GPR55: variants seen among roughly 807,000 people sequenced by gnomAD.
The protein encoded by GPR55 is G-protein coupled receptor 55.
GPR55 carries 6 observed loss-of-function variants against 7.9 expected under a neutral mutation model. The observed-to-expected ratio is 0.76, with a 90% CI of 0.41 to 1.49. The LOEUF (loss-of-function observed/expected upper bound fraction) is 1.49. GPR55 is among the 40% of genes most tolerant of loss of function. The pLI, the probability that GPR55 is intolerant of heterozygous loss-of-function variation, is 0.01. For synonymous variants in GPR55, 183 were observed against 166.8 expected (o/e 1.10, Z -0.75); for missense variants, 376 against 406.0 (o/e 0.93, Z 0.63).
rs1293870849 is a variant in GPR55 at position 230,908,108 on chromosome 2, G to C, written c.*1895C>G. 6.6e-6 allele frequency: 1 copy of C among 152,622 alleles called. No individual in the cohort carries two copies. Among genetic ancestry groups the C allele is most frequent in the Non-Finnish European group, 1.5e-5 (1 of 68,392 alleles). 9.5% of individuals were successfully genotyped at this position (152,622 alleles called of 1,614,324 possible). On this transcript the variant is annotated 3_prime_UTR_variant, in exon 2 of 2. Coordinates refer to ENST00000650999, the MANE Select transcript of GPR55 (RefSeq NM_005683.4). ...GAGGGCAGCCTGCAGGCAAGGAGAG[G>C]AGTGTCTGGGGTTTGGGGCAGCCAG... is the stretch of plus-strand genomic sequence containing the variant.
chr2:230,930,711 C>T (rs1220437812), intron 1 of GPR55, among the ~76,000 whole-genome samples: 1 of 152,184 alleles, frequency 6.6e-6, no homozygotes, highest in Non-Finnish European at 1.5e-5. Context: ...GCAATCCACC[C>T]ACCTCAGCCT....
chr2:230,917,175 G>A (rs77549102), intron 1 of GPR55, among the ~76,000 whole-genome samples: 9,287 of 152,222 alleles, frequency 0.061, 678 homozygotes, highest in African/African-American at 0.18. Context: ...ACCGAATGGT[G>A]GAAAAGTACA....
At chr2:230,957,574 G>A (rs368169072) in intron 1 of GPR55, 77 of 404,762 alleles carry the variant, frequency 1.9e-4, no homozygotes, top group African/African-American at 9.9e-4. Context: ...TGGGCGGGTG[G>A]AGGCGGGGAG....
Position 230,910,968 on chromosome 2 carries a change from T to C in GPR55, c.-6A>G. 6.3e-7 allele frequency: 1 copy of C among 1,588,290 alleles called. No individual in the cohort carries two copies. Among genetic ancestry groups the C allele is most frequent in the African/African-American group, 1.3e-5 (1 of 74,662 alleles). ...CTGGTGTTTTGCTGACTCATGTTTC[T>C]TCCTACAACACCAACAGATCAGACG... On this transcript the variant is annotated 5_prime_UTR_variant, in exon 2 of 2. Coordinates refer to ENST00000650999, the MANE Select transcript of GPR55 (RefSeq NM_005683.4). This position sits in a 1 kb window ranked among gnomAD's most constrained non-coding sequence, Gnocchi z 5.4.
At chr2:230,954,453 G>A (rs908495814) in intron 1 of GPR55, among the ~76,000 whole-genome samples, 2 of 152,126 alleles carry the variant, frequency 1.3e-5, no homozygotes, top group African/African-American at 4.8e-5. Context: ...ACTGGCCGAA[G>A]CCTCCCGGCC....
chr2:230,930,489 CA>C (rs1394700316), intron 1 of GPR55, among the ~76,000 whole-genome samples: 2 of 149,474 alleles, frequency 1.3e-5, no homozygotes, highest in Admixed American at 6.7e-5. Flanking sequence ...GACAGAGTCT[CA>C]CTTAGGCTGG....
chr2:230,921,669 C>G (rs1460438906), intron 1 of GPR55, among the ~76,000 whole-genome samples: 1 of 152,150 alleles, frequency 6.6e-6, no homozygotes, highest in Non-Finnish European at 1.5e-5. Flanking sequence ...CCTAAGTGTT[C>G]TTTTAAACAT....
At chr2:230,951,325 CCTT>C (rs1460096370) in intron 1 of GPR55, among the ~76,000 whole-genome samples, 1 of 152,156 alleles carries the variant, frequency 6.6e-6, no homozygotes, top group East Asian at 1.9e-4. Context: ...CCAGAATTCT[CCTT>C]CTGTGTTGAT....
At chr2:230,955,464 C>T (rs998051840) in intron 1 of GPR55, among the ~76,000 whole-genome samples, 7 of 152,210 alleles carry the variant, frequency 4.6e-5, no homozygotes, top group African/African-American at 1.7e-4. Flanking sequence ...TCCCACAACA[C>T]AGACACAGGC....
intron 1 of GPR55, among the ~76,000 whole-genome samples, chr2:230,932,083 G>T (rs1691057837): frequency 6.6e-6 from 1 of 152,206 alleles, no homozygotes; most frequent in Admixed American, 6.5e-5. Context: ...TCGGTTCTGA[G>T]GCGTGAAGCT....
chr2:230,932,468 A>G (rs1359235802), intron 1 of GPR55, among the ~76,000 whole-genome samples: 1 of 152,258 alleles, frequency 6.6e-6, no homozygotes, highest in Non-Finnish European at 1.5e-5. Flanking sequence ...CGTTACATGA[A>G]GGGGAAGCTA....
At chr2:230,952,095 G>T (rs1202878554) in intron 1 of GPR55, among the ~76,000 whole-genome samples, 1 of 152,024 alleles carries the variant, frequency 6.6e-6, no homozygotes, top group African/African-American at 2.4e-5. Flanking sequence ...AGGGAGGGGG[G>T]GTTACTAGAC....
rs4425066 is a variant in GPR55 at position 230,936,250 on chromosome 2, C to T, written c.-135+24525G>A. On this transcript the variant is annotated intron_variant, in intron 1 of 1. Transcript: ENST00000392039. Reference sequence around the variant, plus strand: ...AACCAAGAACACTGGTATGGTTTGGCTGTGTCCCCACCCAAATCTCATCTT... The same window carrying T: ...AACCAAGAACACTGGTATGGTTTGGTTGTGTCCCCACCCAAATCTCATCTT... 4.0e-3 allele frequency among the ~76,000 whole-genome samples: 605 copies of T among 152,310 alleles called. 15 individuals carry two copies. The highest frequency in any genetic ancestry group is 0.036 in the Admixed American group (555 of 15,292).
rs1311590244 is a variant in GPR55 at position 230,910,483 on chromosome 2, A to G, written c.480T>C (p.His160=). The change falls in exon 2 of 2, where the codon CAT becomes CAC. Residue 160 remains histidine (H), a synonymous_variant. Coordinates refer to ENST00000650999, the MANE Select transcript of GPR55 (RefSeq NM_005683.4). The surrounding 1 kb of genome is among the most constrained non-coding windows in gnomAD (Gnocchi z 5.4). ...AGCACATGTATTTTTCCACTTTCCC[A>G]TGGAAACTGTAGATAGGGATGCTTC... ...WTGSIPIYSF[H]GKVEKYMCFH... is the part of the protein sequence containing the mutation. 21 of 1,614,144 alleles carry G rather than the reference A, an allele frequency of 1.3e-5. No homozygotes were observed. The highest frequency in any genetic ancestry group is 1.8e-5 in the Non-Finnish European group (21 of 1,180,004).
chr2:230,912,774 T>C (rs1186719317), intron 1 of GPR55, among the ~76,000 whole-genome samples: 4 of 152,258 alleles, frequency 2.6e-5, no homozygotes, highest in Non-Finnish European at 4.4e-5. Context: ...GCTTCTGTTA[T>C]TATTTTTCAT....
intron 1 of GPR55, among the ~76,000 whole-genome samples, chr2:230,940,602 G>T (rs79241294): frequency 0.024 from 3,712 of 152,298 alleles, 140 homozygotes; most frequent in African/African-American, 0.085. Flanking sequence ...AGCACCCTGT[G>T]CCCTGTTTGT....
At chr2:230,914,866 G>T (rs752388996) in intron 1 of GPR55, among the ~76,000 whole-genome samples, 1 of 152,234 alleles carries the variant, frequency 6.6e-6, no homozygotes, top group Non-Finnish European at 1.5e-5. Flanking sequence ...TTAAACAGGG[G>T]AAGTTCCCAT....
intron 1 of GPR55, among the ~76,000 whole-genome samples, chr2:230,940,420 C>G (rs1490872268): frequency 6.6e-6 from 1 of 152,178 alleles, no homozygotes; most frequent in Admixed American, 6.5e-5. Flanking sequence ...TCTGAAGCAG[C>G]CCCCTGAAGA....
At chr2:230,945,476 C>A (rs990713094) in intron 1 of GPR55, among the ~76,000 whole-genome samples, 3 of 152,146 alleles carry the variant, frequency 2.0e-5, no homozygotes, top group Non-Finnish European at 2.9e-5. Flanking sequence ...TATTTGAGCC[C>A]TGATTTGAAC....
Sources: gnomAD v4.1 joint callset for allele counts (sites outside exome capture counted in the v4.1 genomes callset) on GRCh38, gnomAD v4.1.1 for gene constraint, Gnocchi (gnomAD v3.1) non-coding constraint, MANE v1.5 for transcripts, NCBI Gene and HGNC (gene_info 2026-07-23, HGNC 2026-07-21) for gene names.